Variants in MOXD1 observed in about 807,000 individuals in gnomAD.
MOXD1 encodes DBH-like monooxygenase protein 1.
A neutral mutation model predicts 66.6 loss-of-function variants in MOXD1; 62 were observed. That is an observed-to-expected ratio of 0.93 (90% CI 0.76 to 1.15). The LOEUF (loss-of-function observed/expected upper bound fraction) is 1.15, where lower values mean the gene tolerates loss of function less well. MOXD1 is among the 50% of genes most tolerant of loss of function. The pLI is 0.00. For missense variants in MOXD1, 847 were observed against 754.6 expected (o/e 1.12, Z -1.44); for synonymous variants, 303 against 281.9 (o/e 1.07, Z -0.75).
chr6:132,366,566 T>C (rs1582597010), intron 4 of MOXD1, among the ~76,000 whole-genome samples: 1 of 152,146 alleles, frequency 6.6e-6, no homozygotes. Flanking sequence ...AGAGATATAC[T>C]GTCAGAGAAG....
At chr6:132,389,284 T>C (rs1217134300) in intron 1 of MOXD1, among the ~76,000 whole-genome samples, 1 of 151,540 alleles carries the variant, frequency 6.6e-6, no homozygotes, top group African/African-American at 2.4e-5. Flanking sequence ...CCAAGCTTAT[T>C]TTCCTATCTT....
chr6:132,362,359 T>C (rs1164974620), intron 4 of MOXD1, among the ~76,000 whole-genome samples: 1 of 152,176 alleles, frequency 6.6e-6, no homozygotes, highest in Non-Finnish European at 1.5e-5. Context: ...TTCTCAGTTA[T>C]ACAGATTTAT....
intron 10 of MOXD1, among the ~76,000 whole-genome samples, chr6:132,313,887 C>T (rs1774883881): frequency 6.6e-6 from 1 of 152,132 alleles, no homozygotes; most frequent in Non-Finnish European, 1.5e-5. Context: ...TGCACTCCAG[C>T]CTGGGTGACA....
At chr6:132,395,083 G>A (rs772585467) in intron 1 of MOXD1, among the ~76,000 whole-genome samples, 5 of 152,034 alleles carry the variant, frequency 3.3e-5, no homozygotes, top group Non-Finnish European at 5.9e-5. Context: ...ACTTATAAAG[G>A]TACGTCTGTC....
In MOXD1 at chr6:132,397,639, A is replaced by AG. The variant is rs1491043178; in HGVS notation, c.264+3523_264+3524insC. The stretch of plus-strand genomic sequence containing the variant: ...GAGAGAGAGAGAGAGAGAGAGACAG[A>AG]AAGAAAGAAAGAAAGAAAGAAAGAA... On this transcript the variant is annotated intron_variant, in intron 1 of 11. Coordinates refer to ENST00000367963, the MANE Select transcript of MOXD1 (RefSeq NM_015529.4). 4.3e-3 allele frequency among the ~76,000 whole-genome samples: 126 copies of AG among 29,624 alleles called. 2 individuals are homozygous for AG. The Admixed American group carries it at 0.043, about 10-fold the overall frequency. 19.4% of individuals were successfully genotyped at this position (29,624 alleles called of 152,430 possible).
At chr6:132,397,692 AAG>A (rs1491276975) in intron 1 of MOXD1, among the ~76,000 whole-genome samples, 2 of 118,858 alleles carry the variant, frequency 1.7e-5, no homozygotes, top group Non-Finnish European at 3.8e-5. Flanking sequence ...GAAAGAAAGA[AAG>A]AAAGAAAAAG....
intron 1 of MOXD1, among the ~76,000 whole-genome samples, chr6:132,379,534 A>C (rs930765886): frequency 7.9e-5 from 12 of 151,906 alleles, no homozygotes; most frequent in Non-Finnish European, 1.3e-4. Context: ...TTATTCCCTG[A>C]CTCTATTTTC....
At chr6:132,381,234 C>T (rs929612560) in intron 1 of MOXD1, among the ~76,000 whole-genome samples, 2 of 152,118 alleles carry the variant, frequency 1.3e-5, no homozygotes, top group African/African-American at 2.4e-5. Context: ...AGATAAAACA[C>T]AAGAACCTAT....
chr6:132,297,429 T>C lies in MOXD1; in HGVS notation c.1678-112A>G. ...AGGGGATAAAGGGGGCAGGAGTGGT[T>C]ACCAAAGGAGTCACACACTGGGGGA... On this transcript the variant is annotated intron_variant, in intron 11 of 11. Coordinates refer to ENST00000367963, the MANE Select transcript of MOXD1 (RefSeq NM_015529.4). 3 of 1,138,056 alleles carry C rather than the reference T, an allele frequency of 2.6e-6. No individual in the cohort carries two copies. The South Asian group carries it at 4.6e-5, about 18-fold the overall frequency. 70.5% of individuals were successfully genotyped at this position (1,138,056 alleles called of 1,614,324 possible).
At chr6:132,397,063 C>T (rs1212664351) in intron 1 of MOXD1, among the ~76,000 whole-genome samples, 1 of 152,148 alleles carries the variant, frequency 6.6e-6, no homozygotes, top group East Asian at 1.9e-4. Flanking sequence ...CTCTTGGTTC[C>T]CTCTTGGGAC....
At chr6:132,359,198 C>T (rs1313778368) in intron 4 of MOXD1, among the ~76,000 whole-genome samples, 1 of 151,732 alleles carries the variant, frequency 6.6e-6, no homozygotes, top group African/African-American at 2.4e-5. Flanking sequence ...CGGCTCACTG[C>T]AGCCCCAAAC....
rs1327367278 is a variant in MOXD1 at position 132,324,049 on chromosome 6, C to A, written c.995G>T (p.Arg332Met). 1.9e-6 allele frequency: 3 copies of A among 1,613,718 alleles called. No homozygotes were observed. In the African/African-American group the frequency reaches 4.0e-5, roughly 22 times the overall value. ...CTCAATCACCCCAGCATCATATTTC[C>A]TTATATCCATTGTGTAAAATAACCT... ...GLRLFYTMDI[R>M]KYDAGVIEAG... Residue 332 changes from arginine to methionine, a missense_variant, in exon 7 of 12, where the codon AGG becomes ATG. Arg to Met is a moderately conservative substitution (Grantham distance 91). Transcript: ENST00000367963.
In MOXD1 at chr6:132,382,712, A is replaced by T. The variant is rs190107079; in HGVS notation, c.265-7935T>A. ...GAAAAATGTATGAAATATATACTTG[A>T]GGTTTCAAAATGCTATGTAGCAACA... On this transcript the variant is annotated intron_variant, in intron 1 of 11. Coordinates refer to ENST00000367963, the MANE Select transcript of MOXD1 (RefSeq NM_015529.4). Among the ~76,000 whole-genome samples, 4 of 152,242 alleles carry T rather than the reference A, an allele frequency of 2.6e-5. No individual in the cohort carries two copies. In the East Asian group the frequency reaches 7.7e-4, roughly 29 times the overall value.
intron 1 of MOXD1, chr6:132,392,107 A>G: frequency 1.6e-5 from 23 of 1,412,858 alleles, no homozygotes; most frequent in East Asian, 2.5e-5. Context: ...TTTGCTTTCC[A>G]AACATTTCTT....
chr6:132,318,077 C>T (rs751635526), intron 9 of MOXD1, among the ~76,000 whole-genome samples: 1 of 151,978 alleles, frequency 6.6e-6, no homozygotes, highest in East Asian at 1.9e-4. Flanking sequence ...TTAAATAATA[C>T]CACATTTATT....
In MOXD1 at chr6:132,320,680, G is replaced by C. The variant is rs770314305; in HGVS notation, c.1314C>G (p.Asn438Lys). Residue 438 changes from asparagine to lysine, a missense_variant, in exon 9 of 12, where the codon AAC becomes AAG. Physicochemically the swap from Asn to Lys is moderately conservative, Grantham distance 94 (BLOSUM62 0). Transcript: ENST00000367963. ...KEEQTILPGD[N>K]LITECRYNTK... ...TGTTGTAGCGACACTCAGTAATTAG[G>C]TTATCTCCCTGAAACATAAAAGCAA... 33 of 1,610,942 alleles carry C rather than the reference G, an allele frequency of 2.0e-5. No homozygotes were observed. In the Admixed American group the frequency reaches 5.0e-4, roughly 25 times the overall value.
At chr6:132,352,726 G>C (rs1775827015) in intron 4 of MOXD1, among the ~76,000 whole-genome samples, 1 of 152,088 alleles carries the variant, frequency 6.6e-6, no homozygotes, top group African/African-American at 2.4e-5. Context: ...GCTGTCAGTG[G>C]AGTATTGAAG....
Position 132,401,337 on chromosome 6 carries a change from G to A in MOXD1, c.90C>T (p.Leu30=), listed in dbSNP as rs1230633229. The part of the protein sequence containing the change: ...GSGRTYPHRT[L]LDSEGKYWLG... ...GCCAGTACTTGCCCTCCGAGTCCAG[G>A]AGGGTCCGGTGCGGATAGGTTCGGC... Residue 30 remains leucine (L), a synonymous_variant, in exon 1 of 12, where the codon CTC becomes CTT. Transcript: ENST00000367963. 6.3e-7 allele frequency: 1 copy of A among 1,583,466 alleles called. No individual in the cohort carries two copies. The highest frequency in any genetic ancestry group is 1.4e-5 in the African/African-American group (1 of 73,910).
chr6:132,381,486 A>T (rs975490335), intron 1 of MOXD1, among the ~76,000 whole-genome samples: 7 of 152,266 alleles, frequency 4.6e-5, no homozygotes, highest in Admixed American at 3.3e-4. Flanking sequence ...TAAACTTCAT[A>T]GCATTCAACT....
Sources: allele counts gnomAD v4.1 joint callset (sites outside exome capture counted in the v4.1 genomes callset), GRCh38; gene constraint gnomAD v4.1.1; transcripts MANE v1.5; gene names NCBI Gene and HGNC (gene_info 2026-07-23, HGNC 2026-07-21).